The following MYLK4 variants were observed in gnomAD, a reference collection of about 807,000 sequenced individuals.
MYLK4 encodes myosin light chain kinase family member 4.
A neutral mutation model predicts 48.1 loss-of-function variants in MYLK4; 46 were observed. The ratio of observed to expected loss-of-function variants is 0.96; its 90% confidence interval spans 0.75 to 1.22. The LOEUF is 1.22. MYLK4 is among the 50% of genes most tolerant of loss of function. The probability of loss-of-function intolerance (pLI) is 0.00; values close to 1 mark genes in which losing one functional copy is unlikely to be tolerated. For synonymous variants in MYLK4, 170 were observed against 180.8 expected (o/e 0.94, Z 0.48); for missense variants, 451 against 486.1 (o/e 0.93, Z 0.68).
At chr6:2,698,264 CT>C (rs1762142754) in intron 2 of MYLK4, among the ~76,000 whole-genome samples, 1 of 152,232 alleles carries the variant, frequency 6.6e-6, no homozygotes, top group African/African-American at 2.4e-5. Context: ...GTCGGCCACC[CT>C]GTCCTACAGC....
At chr6:2,753,598 G>A (rs902067226), upstream of MYLK4, among the ~76,000 whole-genome samples, 6 of 152,072 alleles carry the variant, frequency 3.9e-5, no homozygotes, top group Non-Finnish European at 7.4e-5. Context: ...AAAATGAAAA[G>A]ACCAGCTACA....
intron 11 of MYLK4, among the ~76,000 whole-genome samples, chr6:2,674,325 C>T (rs912900012): frequency 6.6e-6 from 1 of 152,084 alleles, no homozygotes; most frequent in Non-Finnish European, 1.5e-5. Context: ...GTGCCCAGAG[C>T]AGATCAAGCC....
chr6:2,700,810 C>T (rs965834208), intron 2 of MYLK4, among the ~76,000 whole-genome samples: 2 of 152,282 alleles, frequency 1.3e-5, no homozygotes, highest in African/African-American at 4.8e-5. Context: ...TTAATTCCTC[C>T]ATTAAAATGG....
chr6:2,769,408 T>G, the MYLK4 span, among the ~76,000 whole-genome samples: 19 of 152,180 alleles, frequency 1.2e-4, no homozygotes, highest in African/African-American at 4.6e-4. Flanking sequence ...ACTTAGGGAT[T>G]TAAAAAAAAA....
chr6:2,678,357 C>G lies in MYLK4; in HGVS notation c.903G>C (p.Ser301=), dbSNP rs770086556. The G allele has an allele frequency of 6.2e-7, 1 of 1,613,856 alleles. No individual in the cohort carries two copies. The highest frequency in any genetic ancestry group is 8.5e-7 in the Non-Finnish European group (1 of 1,179,992). ...CAGCATCATTGTCACCCAGGAAAGG[C>G]GACAAACCGCTAAGTCTGGAGGACA... ...VIAYMLLSGL[S]PFLGDNDAET... is the part of the protein sequence containing the mutation. Residue 301 remains serine (S), a synonymous_variant, in exon 10 of 13, where the codon TCG becomes TCC. Transcript: ENST00000274643.
rs1761492182 is a variant in MYLK4 at position 2,685,366 on chromosome 6, C to A, written c.475G>T (p.Asp159Tyr). The A allele has an allele frequency of 2.5e-6, 4 of 1,613,952 alleles. No individual in the cohort carries two copies. Among genetic ancestry groups the A allele is most frequent in the South Asian group, 2.2e-5 (2 of 91,068 alleles). Residue 159 changes from aspartate (D) to tyrosine (Y), a missense_variant, in exon 6 of 13, where the codon GAC (aspartate) becomes TAC (tyrosine). By Grantham distance (160) the Asp-to-Tyr change is radical (BLOSUM62 -3). Coordinates refer to ENST00000274643, the MANE Select transcript of MYLK4 (RefSeq NM_001012418.5). The surrounding 1 kb of genome is among the most constrained non-coding windows in gnomAD (Gnocchi z 4.5). Reference protein sequence around the residue: ...KNEISVMNQLDHANLIQLYDA... With the variant: ...KNEISVMNQLYHANLIQLYDA... ...TACAGCTGGATGAGGTTCGCGTGGT[C>A]CAGCTGGTTCATGACGCTGATCTCG...
chr6:2,757,465 A>G, the MYLK4 span, among the ~76,000 whole-genome samples: 3 of 152,172 alleles, frequency 2.0e-5, no homozygotes, highest in Non-Finnish European at 4.4e-5. Flanking sequence ...CCCTGCAATC[A>G]CATTTCTAAG....
chr6:2,671,872 G>A (rs1293534915), intron 11 of MYLK4, among the ~76,000 whole-genome samples: 2 of 152,208 alleles, frequency 1.3e-5, no homozygotes, highest in Non-Finnish European at 2.9e-5. Context: ...TGACTTGTGG[G>A]CTGCTCTAGA....
chr6:2,703,756 C>T (rs1036969832), intron 2 of MYLK4, among the ~76,000 whole-genome samples: 2 of 133,506 alleles, frequency 1.5e-5, no homozygotes, highest in East Asian at 2.3e-4. Context: ...CTGCAAACTC[C>T]GCCTCCGGGG....
intron 7 of MYLK4, among the ~76,000 whole-genome samples, 193 bp downstream of exon 7, chr6:2,682,828 C>T (rs1339287288): frequency 1.3e-5 from 2 of 152,022 alleles, no homozygotes; most frequent in Non-Finnish European, 2.9e-5. Flanking sequence ...GAATATCACC[C>T]CTGAAGATGG....
chr6:2,705,938 A>G (rs752732239), intron 2 of MYLK4, among the ~76,000 whole-genome samples: 1 of 152,104 alleles, frequency 6.6e-6, no homozygotes, highest in African/African-American at 2.4e-5. Context: ...AAAAAACCTT[A>G]AAGAGCATTG....
intron 2 of MYLK4, among the ~76,000 whole-genome samples, chr6:2,737,981 T>A (rs4959723): frequency 0.62 from 17,220 of 27,656 alleles, 5,184 homozygotes; most frequent in African/African-American, 0.66. Flanking sequence ...CGGGGGCGGG[T>A]GGGGGGGGGG....
At chr6:2,745,406 T>C (rs1201235291) in intron 2 of MYLK4, among the ~76,000 whole-genome samples, 1 of 152,236 alleles carries the variant, frequency 6.6e-6, no homozygotes, top group Non-Finnish European at 1.5e-5. Flanking sequence ...ACAGTAGCTA[T>C]CGAGCTCATC....
In MYLK4 at chr6:2,675,037, C is replaced by T. The variant is rs9328114; in HGVS notation, c.1119+10G>A. 553,971 of 1,601,494 alleles carry T rather than the reference C, an allele frequency of 0.35. 101,136 individuals are homozygous for T. The highest frequency in any genetic ancestry group is 0.38 in the Non-Finnish European group (443,218 of 1,168,614). On this transcript the variant is annotated intron_variant, in intron 11 of 12. Coordinates refer to ENST00000274643, the MANE Select transcript of MYLK4 (RefSeq NM_001012418.5). ...GGAGAAAAAGAGGAAGAGCAAGAAGCCGTGGTCACCTGGGCATTGAGTCTG... is the reference window on the plus strand; with the variant it reads ...GGAGAAAAAGAGGAAGAGCAAGAAGTCGTGGTCACCTGGGCATTGAGTCTG...
At chr6:2,764,181 A>G in the MYLK4 span, among the ~76,000 whole-genome samples, 46,597 of 151,910 alleles carry the variant, frequency 0.31, 7,265 homozygotes, top group East Asian at 0.4. Context: ...ACGTTACATG[A>G]TGATTAAAGT....
chr6:2,767,545 A>C, the MYLK4 span, among the ~76,000 whole-genome samples: 1 of 152,230 alleles, frequency 6.6e-6, no homozygotes, highest in Admixed American at 6.5e-5. Flanking sequence ...GGCCAGGAAT[A>C]AACCACATCT....
At chr6:2,724,376 AGATCTATAG>A (rs1763176139) in intron 2 of MYLK4, among the ~76,000 whole-genome samples, 1 of 152,320 alleles carries the variant, frequency 6.6e-6, no homozygotes, top group South Asian at 2.1e-4. Context: ...CAGAGGGTTC[AGATCTATAG>A]GAGCTATGAA....
At chr6:2,733,821 A>AAT (rs1420857546) in intron 2 of MYLK4, among the ~76,000 whole-genome samples, 1 of 152,146 alleles carries the variant, frequency 6.6e-6, no homozygotes, top group Non-Finnish European at 1.5e-5. Flanking sequence ...TCCAAAGCAC[A>AAT]GATTCCCAAG....
the MYLK4 span, among the ~76,000 whole-genome samples, chr6:2,763,216 A>C: frequency 1.6e-4 from 25 of 152,248 alleles, no homozygotes; most frequent in African/African-American, 5.3e-4. Flanking sequence ...ACAATCCCTT[A>C]GCTAGACATA....
Sources: allele counts gnomAD v4.1 joint callset (sites outside exome capture counted in the v4.1 genomes callset), GRCh38; gene constraint gnomAD v4.1.1; non-coding constraint Gnocchi (gnomAD v3.1); transcripts MANE v1.5; gene names NCBI Gene and HGNC (gene_info 2026-07-23, HGNC 2026-07-21).